PKHD1: variants seen among roughly 807,000 people sequenced by gnomAD.
PKHD1 encodes PKHD1 ciliary IPT domain containing fibrocystin/polyductin.
In PKHD1, 291 loss-of-function variants were observed where a neutral mutation model predicts 412.0. That is an observed-to-expected ratio of 0.71 (90% confidence interval 0.64 to 0.78). The LOEUF (loss-of-function observed/expected upper bound fraction) is 0.78. Among genes scored for constraint, PKHD1 ranks in the 30% least tolerant of loss-of-function variants. PKHD1 has a pLI of 0.00. For synonymous variants in PKHD1, 1,777 were observed against 1,821.5 expected (o/e 0.98, Z 0.62); for missense variants, 4,825 against 4,950.7 (o/e 0.97, Z 0.76).
At position 51,618,966 on chromosome 6, in the gene PKHD1, T is replaced by C. The variant is rs1324757989; in HGVS notation, c.*115A>G. 1 of 948,076 alleles carries C rather than the reference T, an allele frequency of 1.1e-6. No individual in the cohort carries two copies. Among genetic ancestry groups the C allele is most frequent in the Non-Finnish European group, 1.7e-6 (1 of 581,596 alleles). The allele number at this position is 948,076 out of a possible 1,614,324, so 58.7% of individuals were successfully genotyped here. On this transcript the variant is annotated 3_prime_UTR_variant, in exon 67 of 67. Transcript: ENST00000371117. ...TTAAAGTTGAAAAAGGGATTCAGAG[T>C]CCACATTCTCTCTTCTTAGTTGTCC... is the stretch of plus-strand genomic sequence containing the variant.
chr6:51,717,123 A>T (rs905699127), intron 60 of PKHD1, among the ~76,000 whole-genome samples: 1 of 152,228 alleles, frequency 6.6e-6, no homozygotes, highest in Non-Finnish European at 1.5e-5. Flanking sequence ...ACGACATTCC[A>T]GTCAACAATG....
chr6:51,911,446 C>T (rs1051034754), intron 39 of PKHD1, among the ~76,000 whole-genome samples: 1 of 152,162 alleles, frequency 6.6e-6, no homozygotes, highest in African/African-American at 2.4e-5. Context: ...AGAACTCTGG[C>T]ATATGGCTTT....
chr6:51,896,409 C>A (rs2127590177), intron 43 of PKHD1, among the ~76,000 whole-genome samples: 1 of 152,328 alleles, frequency 6.6e-6, no homozygotes. Flanking sequence ...GGCACACTGA[C>A]ACCTCACACG....
rs1765990982 is a variant in PKHD1 at position 51,615,508 on chromosome 6, A to T, written c.*3573T>A. 6.6e-6 allele frequency: 1 copy of T among 152,200 alleles called. No individual in the cohort carries two copies. Among genetic ancestry groups the T allele is most frequent in the Non-Finnish European group, 1.5e-5 (1 of 68,022 alleles). 9.4% of individuals were successfully genotyped at this position (152,200 alleles called of 1,614,324 possible). A position where few individuals can be genotyped will look rare whatever the true frequency, so the allele number is the denominator to read the frequency against. On this transcript the variant is annotated 3_prime_UTR_variant, in exon 67 of 67. Coordinates refer to ENST00000371117, the MANE Select transcript of PKHD1 (RefSeq NM_138694.4). ...TTCCTTGTGCTTATAGTTTTTTCAA[A>T]ATTGGCATAGACTATAAGTTCTGAA...
At chr6:51,703,243 C>T (rs1779659581) in intron 60 of PKHD1, among the ~76,000 whole-genome samples, 1 of 151,866 alleles carries the variant, frequency 6.6e-6, no homozygotes, top group South Asian at 2.1e-4. Flanking sequence ...ATTGAGGATC[C>T]TTTTGTTGCT....
intron 53 of PKHD1, among the ~76,000 whole-genome samples, chr6:51,783,529 T>TAAAG: frequency 6.6e-6 from 1 of 151,868 alleles, no homozygotes; most frequent in Admixed American, 6.6e-5. Context: ...AAACAGTCTT[T>TAAAG]ATTGAGTTGA....
At chr6:51,953,997 A>G (rs941706614) in intron 36 of PKHD1, among the ~76,000 whole-genome samples, 3 of 152,122 alleles carry the variant, frequency 2.0e-5, no homozygotes, top group African/African-American at 7.2e-5. Context: ...AAGCAATCCA[A>G]GGTCTTTATT....
chr6:51,803,015 G>A (rs1763182687), intron 52 of PKHD1, among the ~76,000 whole-genome samples: 1 of 151,080 alleles, frequency 6.6e-6, no homozygotes, highest in South Asian at 2.1e-4. Flanking sequence ...GTTTAAGAGA[G>A]AGTTTAAAAT....
At position 51,754,900 on chromosome 6, in the gene PKHD1, T is replaced by C; in HGVS notation, c.8681A>G (p.Asp2894Gly). Residue 2894 changes from aspartate (D) to glycine (G), a missense_variant, in exon 56 of 67, where the codon GAC (aspartate) becomes GGC (glycine). Transcript: ENST00000371117. ...VEDAVDWRPHDKIVLSSSSYE... is the reference protein window; with the variant it reads ...VEDAVDWRPHGKIVLSSSSYE... ...AGAAGAGGAGCTAAGGACTATTTTG[T>C]CATGGGGGCGCCAATCCACTGCATC... is the stretch of plus-strand genomic sequence containing the variant. The C allele has an allele frequency of 1.2e-6, 2 of 1,613,728 alleles. No individual in the cohort carries two copies. The highest frequency in any genetic ancestry group is 1.7e-6 in the Non-Finnish European group (2 of 1,179,704).
intron 36 of PKHD1, among the ~76,000 whole-genome samples, chr6:51,945,914 CAT>C (rs1789388869): frequency 6.6e-6 from 1 of 152,178 alleles, no homozygotes; most frequent in Non-Finnish European, 1.5e-5. Context: ...GGGTTGTTCT[CAT>C]AGTTACATTT....
In PKHD1 at chr6:51,871,111, C is replaced by G. The variant is rs79388308; in HGVS notation, c.7351-472G>C. On this transcript the variant is annotated intron_variant, in intron 46 of 66. Transcript: ENST00000371117. ...AAAATGAGACAGCCACTGTGGAAAA[C>G]TTTGGCAGTTTCTTATAAAGTTAAA... 6.8e-3 allele frequency among the ~76,000 whole-genome samples: 1,033 copies of G among 152,272 alleles called. 34 individuals carry two copies. In the East Asian group the frequency reaches 0.1, roughly 15 times the overall value.
intron 28 of PKHD1, among the ~76,000 whole-genome samples, chr6:52,033,947 G>A (rs1472438411): frequency 1.3e-5 from 2 of 152,086 alleles, no homozygotes; most frequent in East Asian, 3.9e-4. Context: ...TGACCAACAT[G>A]GAGAAACCCC....
chr6:51,672,860 A>G (rs62461291), intron 60 of PKHD1, among the ~76,000 whole-genome samples: 1 of 152,178 alleles, frequency 6.6e-6, no homozygotes, highest in Admixed American at 6.5e-5. Context: ...TTATTCCTTG[A>G]AAGTATGGTA....
chr6:51,702,167 T>TAC (rs1477243353), intron 60 of PKHD1, among the ~76,000 whole-genome samples: 1,993 of 146,644 alleles, frequency 0.014, 100 homozygotes, highest in African/African-American at 0.038. Flanking sequence ...ATATATATTA[T>TAC]ATGTATAATA....
chr6:51,871,297 G>T (rs1775957864), intron 46 of PKHD1, among the ~76,000 whole-genome samples: 1 of 151,938 alleles, frequency 6.6e-6, no homozygotes, highest in Admixed American at 6.6e-5. Flanking sequence ...TAAATGAATG[G>T]ATTAACAAAC....
intron 24 of PKHD1, 88 bp from the exon 25 acceptor site, chr6:52,045,176 T>C: frequency 7.7e-7 from 1 of 1,292,406 alleles, no homozygotes; most frequent in Middle Eastern, 2.0e-4. Context: ...TTTCACATTG[T>C]GTTTCAGATA....
Position 51,906,253 on chromosome 6 carries a change from T to G in PKHD1, c.6770A>C (p.Asn2257Thr), listed in dbSNP as rs1377215021. ...CGTLGLKVDS[N>T]VFYNILGHAL... Reference sequence around the variant, plus strand: ...ATGACCTAAAATATTGTAGAATACATTACTGTCCACCTTCAGGCCCAAGGT... The same window carrying G: ...ATGACCTAAAATATTGTAGAATACAGTACTGTCCACCTTCAGGCCCAAGGT... Residue 2257 changes from asparagine to threonine, a missense_variant, in exon 41 of 67, where the codon AAT (asparagine) becomes ACT (threonine). Transcript: ENST00000371117. 1 of 1,611,794 alleles carries G rather than the reference T, an allele frequency of 6.2e-7. No individual in the cohort carries two copies. Among genetic ancestry groups the G allele is most frequent in the South Asian group, 1.1e-5 (1 of 91,046 alleles).
intron 53 of PKHD1, among the ~76,000 whole-genome samples, chr6:51,778,558 T>C (rs1336204354): frequency 1.3e-5 from 2 of 151,974 alleles, no homozygotes; most frequent in East Asian, 3.9e-4. Flanking sequence ...CAGGCATTAC[T>C]TAGTATGATG....
chr6:51,686,554 A>T (rs1777466192), intron 60 of PKHD1, among the ~76,000 whole-genome samples: 1 of 152,134 alleles, frequency 6.6e-6, no homozygotes, highest in African/African-American at 2.4e-5. Flanking sequence ...GCTTTCTATG[A>T]TGCTCTACAT....
Sources: gnomAD v4.1 joint callset for allele counts (sites outside exome capture counted in the v4.1 genomes callset) on GRCh38, gnomAD v4.1.1 for gene constraint, MANE v1.5 for transcripts, NCBI Gene and HGNC (gene_info 2026-07-23, HGNC 2026-07-21) for gene names.